Variants in SOD2 observed in about 807,000 individuals in gnomAD.
The protein encoded by SOD2 is superoxide dismutase 2, also known as superoxide dismutase [Mn], mitochondrial.
A neutral mutation model predicts 27.0 loss-of-function variants in SOD2; 11 were observed. That is an observed-to-expected ratio of 0.41 (90% CI 0.26 to 0.67). SOD2 has a LOEUF of 0.67. SOD2 is among the 30% of genes least tolerant of loss of function. The pLI is 0.34. For missense variants in SOD2, 250 were observed against 274.5 expected, an observed-to-expected ratio of 0.91 and a Z score of 0.63; for synonymous variants, 105 against 103.0, an observed-to-expected ratio of 1.02 and a Z score of -0.12.
At chr6:159,689,903 T>G (rs929526390) in intron 2 of SOD2, among the ~76,000 whole-genome samples, 2 of 148,356 alleles carry the variant, frequency 1.3e-5, no homozygotes, top group Non-Finnish European at 3.0e-5. Context: ...GAGGTTGCAG[T>G]GAACCAAGAA....
rs950186960 is a variant in SOD2, at chr6:159,753,717, C to G, written c.-335-5041G>C. 5.8e-6 allele frequency: 8 copies of G among 1,380,486 alleles called. No individual in the cohort carries two copies. In the African/African-American group the frequency reaches 1.2e-4, roughly 20 times the overall value. 85.5% of individuals were successfully genotyped at this position (1,380,486 alleles called of 1,614,324 possible). Reference sequence around the variant, plus strand: ...AGGTTAGATTCTGTACATTGTTAACCTCTGCCCTATGATTGTATATTATTG... The same window carrying G: ...AGGTTAGATTCTGTACATTGTTAACGTCTGCCCTATGATTGTATATTATTG... On this transcript the variant is annotated intron_variant, in intron 1 of 7. Coordinates refer to the SOD2 transcript ENST00000546087.
At chr6:159,734,292 G>A (rs1429225637) in intron 1 of SOD2, among the ~76,000 whole-genome samples, 1 of 150,920 alleles carries the variant, frequency 6.6e-6, no homozygotes, top group Non-Finnish European at 1.5e-5. Flanking sequence ...GGGATTACAA[G>A]TGTGAGCCAC....
intron 1 of SOD2, among the ~76,000 whole-genome samples, chr6:159,718,358 T>C (rs1777962754): frequency 6.6e-6 from 1 of 152,180 alleles, no homozygotes; most frequent in Non-Finnish European, 1.5e-5. Flanking sequence ...TGAGTCTTTA[T>C]CTTGGTTATT....
In SOD2 at chr6:159,680,946, G is replaced by GA. The variant is rs11289847; in HGVS notation, c.*1546dup. 0.24 allele frequency: 30,142 copies of GA among 127,222 alleles called. 3,441 individuals carry two copies. The highest frequency in any genetic ancestry group is 0.44 in the East Asian group (1,920 of 4,360). 7.9% of individuals were successfully genotyped at this position (127,222 alleles called of 1,614,324 possible). ...GCAAGACTCTGTCTCCAAAAAAAAA[G>GA]AAAAAAAAAAAACGCCTATATAAAG... On this transcript the variant is annotated 3_prime_UTR_variant, in exon 5 of 5. Coordinates refer to ENST00000538183, the MANE Select transcript of SOD2 (RefSeq NM_000636.4).
intron 2 of SOD2, among the ~76,000 whole-genome samples, chr6:159,689,832 T>A (rs1426152818): frequency 6.6e-6 from 1 of 151,958 alleles, no homozygotes; most frequent in Non-Finnish European, 1.5e-5. Context: ...TGGTGGCGCG[T>A]GCCTATAATC....
intron 1 of SOD2, among the ~76,000 whole-genome samples, chr6:159,740,906 G>C (rs1051556867): frequency 6.6e-6 from 1 of 151,974 alleles, no homozygotes; most frequent in Admixed American, 6.6e-5. Context: ...ATTTCACTGT[G>C]TTGGCCAGGA....
intron 1 of SOD2, among the ~76,000 whole-genome samples, chr6:159,751,402 T>C (rs1402990687): frequency 6.6e-6 from 1 of 152,200 alleles, no homozygotes; most frequent in Non-Finnish European, 1.5e-5. Flanking sequence ...TAAACACCAA[T>C]GAAATATATA....
chr6:159,745,784 A>T (rs1011505020), upstream of SOD2, among the ~76,000 whole-genome samples: 1 of 152,188 alleles, frequency 6.6e-6, no homozygotes, highest in Non-Finnish European at 1.5e-5. Flanking sequence ...TTTAAGCAGG[A>T]AAACCAATTG....
At chr6:159,715,903 GA>G (rs36055546) in intron 1 of SOD2, among the ~76,000 whole-genome samples, 3,338 of 128,638 alleles carry the variant, frequency 0.026, 107 homozygotes, top group African/African-American at 0.083. Flanking sequence ...CTGTCTCAAG[GA>G]AAAAAAAAAA....
At chr6:159,730,459 C>T (rs934267196), upstream of SOD2, among the ~76,000 whole-genome samples, 1 of 151,838 alleles carries the variant, frequency 6.6e-6, no homozygotes, top group Admixed American at 6.6e-5. Context: ...AAAAAATTGC[C>T]CTGGGGAATA....
chr6:159,742,360 T>C (rs1027944587), intron 1 of SOD2, among the ~76,000 whole-genome samples: 2 of 152,198 alleles, frequency 1.3e-5, no homozygotes, highest in Non-Finnish European at 2.9e-5. Context: ...AGTCATGTAA[T>C]GGCATGACTT....
intron 1 of SOD2, among the ~76,000 whole-genome samples, chr6:159,757,884 TG>T (rs958857142): frequency 2.6e-5 from 4 of 152,234 alleles, no homozygotes; most frequent in African/African-American, 9.6e-5. Flanking sequence ...TCTGTCCTGT[TG>T]GTGTAATGTA....
intron 1 of SOD2, among the ~76,000 whole-genome samples, chr6:159,698,928 G>C (rs1040860185): frequency 8.5e-6 from 1 of 117,146 alleles, no homozygotes; most frequent in African/African-American, 3.3e-5. Flanking sequence ...TGATCTTGCT[G>C]TCTGGGGGGT....
chr6:159,756,732 C>G (rs560447502), intron 1 of SOD2, among the ~76,000 whole-genome samples: 1 of 151,496 alleles, frequency 6.6e-6, no homozygotes, highest in East Asian at 1.9e-4. Flanking sequence ...CTTCCGAGTA[C>G]CTGAGACTAT....
chr6:159,753,629 T>C, intron 1 of SOD2: 1 of 1,590,052 alleles, frequency 6.3e-7, no homozygotes, highest in Non-Finnish European at 8.6e-7. Flanking sequence ...GGGGTTTGTT[T>C]CTTTTTGGAA....
intron 1 of SOD2, among the ~76,000 whole-genome samples, chr6:159,722,531 AGAGAG>A (rs1299072509): frequency 1.1e-4 from 16 of 152,190 alleles, no homozygotes; most frequent in African/African-American, 3.6e-4. Flanking sequence ...TCTCTGTACT[AGAGAG>A]TAGACTTTTA....
chr6:159,702,390 A>T (rs1332755831), intron 1 of SOD2, among the ~76,000 whole-genome samples: 3 of 150,818 alleles, frequency 2.0e-5, no homozygotes, highest in Admixed American at 6.6e-5. Context: ...TCCGCCTCCC[A>T]GGTTGAAGTG....
chr6:159,745,374 T>C (rs1326053211), upstream of SOD2, among the ~76,000 whole-genome samples: 2 of 152,182 alleles, frequency 1.3e-5, no homozygotes, highest in Admixed American at 6.5e-5. Context: ...ACCTCATCAC[T>C]CTTGTCTCCT....
chr6:159,760,890 G>A (rs1780110250), intron 1 of SOD2: 1 of 152,244 alleles, frequency 6.6e-6, no homozygotes. Context: ...GACAACTGAA[G>A]AGACTTCAGT....
Sources: allele counts gnomAD v4.1 joint callset (sites outside exome capture counted in the v4.1 genomes callset), GRCh38; gene constraint gnomAD v4.1.1; transcripts MANE v1.5; gene names NCBI Gene and HGNC (gene_info 2026-07-23, HGNC 2026-07-21).